Variants in THBS2 observed in about 807,000 individuals in gnomAD.
THBS2 encodes the protein thrombospondin-2.
Under a neutral mutation model 135.2 loss-of-function variants are expected in THBS2, and 47 were observed. The ratio of observed to expected loss-of-function variants is 0.35; its 90% CI spans 0.28 to 0.44. THBS2 has a LOEUF of 0.44. Among genes scored for constraint, THBS2 ranks in the 20% least tolerant of loss-of-function variants. THBS2 has a pLI of 1.00. For synonymous variants in THBS2, 639 were observed against 633.8 expected (o/e 1.01, Z -0.12); for missense variants, 1,288 against 1,603.1 (o/e 0.80, Z 3.36).
At chr6:169,220,055 T>C (rs950986478) in intron 21 of THBS2, 143 bp downstream of exon 21, 1 of 1,087,938 alleles carries the variant, frequency 9.2e-7, no homozygotes, top group African/African-American at 1.6e-5. Flanking sequence ...GCTTGGAATG[T>C]GCAGGGGGCT....
chr6:169,217,834 A>C lies in THBS2; in HGVS notation c.3512-5T>G. The C allele has an allele frequency of 6.5e-7, 1 of 1,535,412 alleles. No homozygotes were observed. Among genetic ancestry groups the C allele is most frequent in the South Asian group, 1.1e-5 (1 of 88,186 alleles). ...CAGCAAATCTTGTTTAAATATCTAC[A>C]AAAAGAAAAAAAAAAGCAATAAACA... On this transcript the variant is annotated splice_region_variant and splice_polypyrimidine_tract_variant and intron_variant, in intron 21 of 21. Coordinates refer to ENST00000617924, the MANE Select transcript of THBS2 (RefSeq NM_003247.5).
chr6:169,233,731 C>T lies in THBS2; in HGVS notation c.1652-714G>A, dbSNP rs1214413682. 9.7e-5 allele frequency among the ~76,000 whole-genome samples: 14 copies of T among 144,112 alleles called. 1 individual carries two copies. Among genetic ancestry groups the T allele is most frequent in the African/African-American group, 2.1e-4 (8 of 38,638 alleles). 94.5% of individuals were successfully genotyped at this position (144,112 alleles called of 152,430 possible). On this transcript the variant is annotated intron_variant, in intron 10 of 21. Transcript: ENST00000617924. ...GTTCCAGACCACACAACTACCCACACGCCACCTTCCACACTACACAACTAC... is the reference window on the plus strand; with the variant it reads ...GTTCCAGACCACACAACTACCCACATGCCACCTTCCACACTACACAACTAC...
intron 4 of THBS2, among the ~76,000 whole-genome samples, chr6:169,245,252 A>G (rs1780501848): frequency 6.6e-6 from 1 of 152,164 alleles, no homozygotes. Flanking sequence ...GCCAGCCTTC[A>G]TCTTTGTAAA....
At chr6:169,242,690 A>ACTGC in intron 4 of THBS2, among the ~76,000 whole-genome samples, 1 of 32,236 alleles carries the variant, frequency 3.1e-5, no homozygotes, top group East Asian at 9.9e-4. Context: ...CCACCTTCCC[A>ACTGC]TCTTCCCACC....
At chr6:169,229,862 C>A (rs1361342045) in intron 13 of THBS2, among the ~76,000 whole-genome samples, 183 bp from the exon 14 acceptor site, 1 of 152,178 alleles carries the variant, frequency 6.6e-6, no homozygotes, top group Non-Finnish European at 1.5e-5. Flanking sequence ...TTCTCAACTC[C>A]TGCCCTGGAA....
At chr6:169,227,311 C>T (rs1779667829) in intron 15 of THBS2, among the ~76,000 whole-genome samples, 1 of 152,132 alleles carries the variant, frequency 6.6e-6, no homozygotes, top group Non-Finnish European at 1.5e-5. Flanking sequence ...TCTCCAGGCA[C>T]CCCAAGAGAA....
rs1241753488 is a variant in THBS2 at position 169,229,696 on chromosome 6, A to T, written c.2152-17T>A. The stretch of plus-strand genomic sequence containing the variant: ...GCAGTTATCCTGCAATTGGAGAAGG[A>T]AGAATACTTGGAAAAACATTTAGGA... On this transcript the variant is annotated splice_polypyrimidine_tract_variant and intron_variant, in intron 13 of 21. Coordinates refer to ENST00000617924, the MANE Select transcript of THBS2 (RefSeq NM_003247.5). 6.3e-7 allele frequency: 1 copy of T among 1,597,044 alleles called. No individual in the cohort carries two copies. The highest frequency in any genetic ancestry group is 8.6e-7 in the Non-Finnish European group (1 of 1,164,848).
intron 21 of THBS2, 142 bp downstream of exon 21, chr6:169,220,056 G>A (rs9406334): frequency 0.22 from 239,718 of 1,081,490 alleles, 28,755 homozygotes; most frequent in Non-Finnish European, 0.25. Flanking sequence ...CTTGGAATGT[G>A]CAGGGGGCTC....
At chr6:169,236,806 ATCCACACTCACTCCCCG>A (rs1471368728) in intron 9 of THBS2, among the ~76,000 whole-genome samples, 9 of 117,214 alleles carry the variant, frequency 7.7e-5, no homozygotes, top group Admixed American at 2.6e-4. Context: ...ACTCACTCCC[ATCCACACTCACTCCCCG>A]TCCACACTCA....
In THBS2 at chr6:169,234,817, C is replaced by T. The variant is rs772389872; in HGVS notation, c.1568G>A (p.Ser523Asn). The change falls in exon 10 of 22, where the codon AGC (serine) becomes AAC (asparagine). Residue 523 changes from serine to asparagine, a missense_variant. Transcript: ENST00000617924. ...CTTCCCTCCGTACTGAGGCTCAGGG[C>T]TGTTGCAGACCCGGGTGCGCTCCCG... Reference protein sequence around the residue: ...GIRERTRVCNSPEPQYGGKAC... With the variant: ...GIRERTRVCNNPEPQYGGKAC... The T allele has an allele frequency of 1.2e-6, 2 of 1,612,934 alleles. No homozygotes were observed. The highest frequency in any genetic ancestry group is 1.7e-6 in the Non-Finnish European group (2 of 1,179,598).
At chr6:169,227,070 C>T (rs1204507823) in intron 15 of THBS2, among the ~76,000 whole-genome samples, 1 of 152,232 alleles carries the variant, frequency 6.6e-6, no homozygotes, top group Non-Finnish European at 1.5e-5. Context: ...CAACCCACCA[C>T]ATTCCCAGAG....
intron 3 of THBS2, among the ~76,000 whole-genome samples, chr6:169,248,196 G>A (rs1338349184): frequency 1.3e-5 from 2 of 152,026 alleles, no homozygotes; most frequent in Admixed American, 1.3e-4. Context: ...TGTGGTGTGT[G>A]TGCATGTGTG....
Position 169,248,430 on chromosome 6 carries a change from T to G in THBS2, c.596A>C (p.Glu199Ala). The G allele has an allele frequency of 1.2e-6, 2 of 1,606,456 alleles. No individual in the cohort carries two copies. Among genetic ancestry groups the G allele is most frequent in the South Asian group, 2.2e-5 (2 of 90,878 alleles). ...TGCAGAGCGTACCCTGAAGTGACTC[T>G]CTCTGGCAGAGCCTTTGGCCACGTA... is the stretch of plus-strand genomic sequence containing the variant. The part of the protein sequence containing the change: ...RMYVAKGSAR[E>A]SHFRGLLQNV... Residue 199 changes from glutamate to alanine, a missense_variant, in exon 3 of 22, where the codon GAG becomes GCG. This residue lies in a region of THBS2 where 414 missense variants were observed against 447.0 expected (regional missense o/e 0.93). Transcript: ENST00000617924.
chr6:169,225,028 T>C, intron 17 of THBS2, 117 bp downstream of exon 17: 2 of 1,005,672 alleles, frequency 2.0e-6, no homozygotes, highest in East Asian at 2.4e-5. Context: ...AGGCCCAAAG[T>C]CATTGCCCTT....
intron 14 of THBS2, 91 bp from the exon 15 acceptor site, chr6:169,228,372 A>G: frequency 1.4e-6 from 2 of 1,443,206 alleles, no homozygotes; most frequent in Non-Finnish European, 1.9e-6. Context: ...CTCAAGGTTG[A>G]TGAAAATCAA....
intron 15 of THBS2, among the ~76,000 whole-genome samples, chr6:169,226,504 A>T (rs969692028): frequency 6.6e-6 from 1 of 152,258 alleles, no homozygotes; most frequent in Non-Finnish European, 1.5e-5. Context: ...TACAGTTCAA[A>T]TACCTTTCAT....
rs1779180428 is a variant in THBS2 at position 169,216,588 on chromosome 6, T to A, written c.*1234A>T. Reference sequence around the variant, plus strand: ...GTAACAAATATTGAACTAAAATCGCTGGCAACATTATATATTTAAGGTTCC... The same window carrying A: ...GTAACAAATATTGAACTAAAATCGCAGGCAACATTATATATTTAAGGTTCC... On this transcript the variant is annotated 3_prime_UTR_variant, in exon 22 of 22. Coordinates refer to ENST00000617924, the MANE Select transcript of THBS2 (RefSeq NM_003247.5). 1 of 120,232 alleles carries A rather than the reference T, an allele frequency of 8.3e-6. No individual in the cohort carries two copies. The highest frequency in any genetic ancestry group is 2.6e-4 in the South Asian group (1 of 3,822). The allele number at this position is 120,232 out of a possible 1,614,324, so 7.4% of individuals were successfully genotyped here. A position where few individuals can be genotyped will look rare whatever the true frequency, so the allele number is the denominator to read the frequency against.
chr6:169,251,073 T>C (rs1212135335), intron 1 of THBS2, among the ~76,000 whole-genome samples: 1 of 152,210 alleles, frequency 6.6e-6, no homozygotes, highest in African/African-American at 2.4e-5. Flanking sequence ...ATCTTCATAA[T>C]AGCCTGGGAG....
At position 169,223,267 on chromosome 6, in the gene THBS2, C is replaced by T. The variant is rs191971795; in HGVS notation, c.2982G>A (p.Ser994=). 1.3e-5 allele frequency: 21 copies of T among 1,613,572 alleles called. No homozygotes were observed. The highest frequency in any genetic ancestry group is 1.6e-5 in the Non-Finnish European group (19 of 1,179,704). The change falls in exon 18 of 22, where the codon TCG becomes TCA. Residue 994 remains serine (S), a synonymous_variant. Coordinates refer to ENST00000617924, the MANE Select transcript of THBS2 (RefSeq NM_003247.5). ...ACTCACCTACAGCGATGCCGGGGTC[C>T]GAGTTGGCTGTCTGAACCAGCTCCT... ...QGKELVQTAN[S]DPGIAVGFDE...
Sources: gnomAD v4.1 joint callset for allele counts (sites outside exome capture counted in the v4.1 genomes callset) on GRCh38, gnomAD v4.1.1 for gene constraint, gnomAD v4.1.1 regional missense constraint, MANE v1.5 for transcripts, NCBI Gene and HGNC (gene_info 2026-07-23, HGNC 2026-07-21) for gene names.